Variants in LRRC37A2 observed in about 807,000 individuals in gnomAD.
LRRC37A2 encodes the protein leucine-rich repeat-containing protein 37A2.
A neutral mutation model predicts 68.8 loss-of-function variants in LRRC37A2; 9 were observed. That is an observed-to-expected ratio of 0.13 (90% CI 0.08 to 0.23). The LOEUF (loss-of-function observed/expected upper bound fraction) is 0.23. LRRC37A2 is among the 10% of genes least tolerant of loss of function. The pLI is 1.00. For missense variants in LRRC37A2, 168 were observed against 950.4 expected (o/e 0.18, Z 10.82); for synonymous variants, 63 against 367.6 (o/e 0.17, Z 9.48).
chr17:46,711,432 T>G, the LRRC37A2 span, among the ~76,000 whole-genome samples: 2 of 152,184 alleles, frequency 1.3e-5, no homozygotes, highest in African/African-American at 4.8e-5. Context: ...GTACTTGTAT[T>G]TTAGTCATTG....
At chr17:46,377,582 T>A in the LRRC37A2 span, among the ~76,000 whole-genome samples, 2 of 52,918 alleles carry the variant, frequency 3.8e-5, no homozygotes, top group African/African-American at 7.2e-5. Flanking sequence ...TTTTTTTTTT[T>A]TTTTTGAGAC....
chr17:46,820,032 G>A, the LRRC37A2 span, among the ~76,000 whole-genome samples: 1 of 152,196 alleles, frequency 6.6e-6, no homozygotes, highest in African/African-American at 2.4e-5. Context: ...AGAATGAGCC[G>A]ACCCGAGTCC....
the LRRC37A2 span, chr17:46,931,058 A>C: frequency 1.6e-5 from 17 of 1,038,952 alleles, no homozygotes; most frequent in African/African-American, 2.3e-4. Context: ...TAAGTTCACT[A>C]TCTCTTTTCC....
the LRRC37A2 span, chr17:46,936,282 G>C: frequency 1.0e-6 from 1 of 985,296 alleles, no homozygotes; most frequent in Non-Finnish European, 1.2e-6. Context: ...GGCCTTTTAG[G>C]ACCAAACTCC....
the LRRC37A2 span, chr17:46,769,662 G>A: frequency 7.3e-7 from 1 of 1,375,146 alleles, no homozygotes; most frequent in South Asian, 1.2e-5. Context: ...GCCTGGCCAA[G>A]GGGAAAAGGA....
At chr17:46,390,106 G>A in the LRRC37A2 span, among the ~76,000 whole-genome samples, 2 of 142,856 alleles carry the variant, frequency 1.4e-5, no homozygotes, top group East Asian at 2.0e-4. Flanking sequence ...CACTGTCTTC[G>A]TGACTTGCAC....
the LRRC37A2 span, among the ~76,000 whole-genome samples, chr17:46,946,804 A>G: frequency 6.6e-6 from 1 of 152,268 alleles, no homozygotes; most frequent in Admixed American, 6.5e-5. Flanking sequence ...CAGAGGTTGC[A>G]GTGAGCCGAC....
chr17:46,905,805 TGTGTGTGTGC>T, the LRRC37A2 span, among the ~76,000 whole-genome samples: 13 of 109,706 alleles, frequency 1.2e-4, no homozygotes, highest in Admixed American at 2.7e-4. Context: ...TGTGTGTGTG[TGTGTGTGTGC>T]GTTTGTTGGG....
chr17:46,984,634 T>G, the LRRC37A2 span, among the ~76,000 whole-genome samples: 1 of 152,204 alleles, frequency 6.6e-6, no homozygotes, highest in African/African-American at 2.4e-5. Context: ...TTTAGCCCTC[T>G]GGCATGCCTG....
At chr17:46,732,875 C>T in the LRRC37A2 span, among the ~76,000 whole-genome samples, 1 of 152,212 alleles carries the variant, frequency 6.6e-6, no homozygotes, top group African/African-American at 2.4e-5. Context: ...GAGAACTCAG[C>T]AGCAGCAGCT....
At chr17:46,976,417 C>T in the LRRC37A2 span, among the ~76,000 whole-genome samples, 2,089 of 151,706 alleles carry the variant, frequency 0.014, 57 homozygotes, top group African/African-American at 0.048. Context: ...CATGGTGGCG[C>T]GCGCCCATAA....
the LRRC37A2 span, among the ~76,000 whole-genome samples, chr17:46,491,433 C>G: frequency 7.1e-6 from 1 of 141,242 alleles, no homozygotes; most frequent in Non-Finnish European, 1.5e-5. Context: ...TAACTTTATT[C>G]TAGGAATAAA....
chr17:46,944,510 C>T, the LRRC37A2 span, among the ~76,000 whole-genome samples: 2 of 152,190 alleles, frequency 1.3e-5, no homozygotes, highest in Non-Finnish European at 2.9e-5. Flanking sequence ...TTCCTGGAGT[C>T]CCCCAGAGAG....
At chr17:46,752,949 A>G in the LRRC37A2 span, among the ~76,000 whole-genome samples, 1 of 151,884 alleles carries the variant, frequency 6.6e-6, no homozygotes, top group Non-Finnish European at 1.5e-5. Context: ...TTGTATTTTT[A>G]GTAGAGATGG....
the LRRC37A2 span, among the ~76,000 whole-genome samples, chr17:46,900,838 C>A: frequency 6.6e-6 from 1 of 151,984 alleles, no homozygotes; most frequent in Non-Finnish European, 1.5e-5. Flanking sequence ...TACTGAACAC[C>A]ATCTACAAGC....
At chr17:46,819,136 G>A in the LRRC37A2 span, among the ~76,000 whole-genome samples, 1 of 152,178 alleles carries the variant, frequency 6.6e-6, no homozygotes, top group African/African-American at 2.4e-5. This position sits in a 1 kb window ranked among gnomAD's most constrained non-coding sequence, Gnocchi z 5.3. Context: ...AAAGCACAGG[G>A]ATGTTTCCAG....
At chr17:46,707,323 T>A in the LRRC37A2 span, among the ~76,000 whole-genome samples, 1 of 152,240 alleles carries the variant, frequency 6.6e-6, no homozygotes, top group Non-Finnish European at 1.5e-5. Flanking sequence ...TTGTACTGCT[T>A]ATTTGATTGA....
the LRRC37A2 span, among the ~76,000 whole-genome samples, chr17:46,708,118 C>T: frequency 6.6e-6 from 1 of 151,916 alleles, no homozygotes. Flanking sequence ...GCTTCTGCCA[C>T]GTTTTGGCTA....
the LRRC37A2 span, among the ~76,000 whole-genome samples, chr17:46,709,326 A>G: frequency 6.6e-6 from 1 of 152,006 alleles, no homozygotes; most frequent in Admixed American, 6.5e-5. Context: ...TATTTATTCC[A>G]AGGGTCTGGA....
Sources: gnomAD v4.1 joint callset for allele counts (sites outside exome capture counted in the v4.1 genomes callset) on GRCh38, gnomAD v4.1.1 for gene constraint, Gnocchi (gnomAD v3.1) non-coding constraint, MANE v1.5 for transcripts, NCBI Gene and HGNC (gene_info 2026-07-23, HGNC 2026-07-21) for gene names.